KLRD1: variants seen among roughly 807,000 people sequenced by gnomAD.
KLRD1 encodes natural killer cells antigen CD94.
KLRD1 carries 21 observed loss-of-function variants against 22.6 expected under a neutral mutation model. The observed-to-expected ratio is 0.93, with a 90% confidence interval of 0.66 to 1.34. The LOEUF (loss-of-function observed/expected upper bound fraction) is 1.34, where lower values mean the gene tolerates loss of function less well. KLRD1 is among the 40% of genes most tolerant of loss of function. KLRD1 has a pLI of 0.00. For missense variants in KLRD1, 183 were observed against 208.6 expected (o/e 0.88, Z 0.76); for synonymous variants, 59 against 71.1 (o/e 0.83, Z 0.85).
chr12:10,271,280 A>T (rs1949547540), intron 1 of KLRD1, among the ~76,000 whole-genome samples: 1 of 152,184 alleles, frequency 6.6e-6, no homozygotes, highest in Admixed American at 6.5e-5. Context: ...CACTAAAAAG[A>T]CACTTAACTT....
intron 1 of KLRD1, among the ~76,000 whole-genome samples, chr12:10,251,217 C>G (rs1036132864): frequency 8.5e-5 from 13 of 152,084 alleles, no homozygotes; most frequent in African/African-American, 2.9e-4. Flanking sequence ...CTCCGCCTCC[C>G]AGGTTCAAGC....
upstream of KLRD1, among the ~76,000 whole-genome samples, chr12:10,300,842 A>G (rs1383722162): frequency 6.6e-6 from 1 of 152,234 alleles, no homozygotes; most frequent in Non-Finnish European, 1.5e-5. Context: ...CTTCTATATC[A>G]GCACTTGCTG....
chr12:10,301,665 C>T (rs1949867813), upstream of KLRD1, among the ~76,000 whole-genome samples: 1 of 152,216 alleles, frequency 6.6e-6, no homozygotes, highest in Non-Finnish European at 1.5e-5. Context: ...AATAAGGCTT[C>T]TTGGCTTTCT....
intron 4 of KLRD1, among the ~76,000 whole-genome samples, chr12:10,312,580 G>C (rs553399696): frequency 6.8e-6 from 1 of 146,522 alleles, no homozygotes; most frequent in African/African-American, 2.5e-5. Context: ...CGGTTTCACC[G>C]TGTTAGCCAG....
At chr12:10,294,450 G>A (rs117745525) in intron 1 of KLRD1, among the ~76,000 whole-genome samples, 82 of 152,282 alleles carry the variant, frequency 5.4e-4, no homozygotes, top group Non-Finnish European at 1.2e-3. Flanking sequence ...CCAGTCTGGA[G>A]TGCAATGGCA....
chr12:10,258,453 A>G (rs77086639), intron 1 of KLRD1, among the ~76,000 whole-genome samples: 73 of 152,330 alleles, frequency 4.8e-4, no homozygotes, highest in African/African-American at 1.8e-3. Context: ...GATGGGAGGC[A>G]TTCTCTTTGG....
intron 1 of KLRD1, among the ~76,000 whole-genome samples, chr12:10,261,315 A>T (rs1312369223): frequency 6.6e-6 from 1 of 152,266 alleles, no homozygotes; most frequent in East Asian, 1.9e-4. Context: ...TAAAGGCAAT[A>T]ACAGAACTTC....
At chr12:10,310,509 C>A (rs1950037557) in intron 3 of KLRD1, among the ~76,000 whole-genome samples, 2 of 152,200 alleles carry the variant, frequency 1.3e-5, no homozygotes, top group Admixed American at 1.3e-4. Flanking sequence ...ATTTACAGTG[C>A]AACATCTTGG....
Position 10,311,451 on chromosome 12 carries a change from T to A in KLRD1, c.164-13T>A. ...CTCCAGTGTCATTAGTCATGCTTTA[T>A]GTTTTCTGTCAGACTCTGACTGCTG... On this transcript the variant is annotated splice_polypyrimidine_tract_variant and intron_variant, in intron 3 of 5. Transcript: ENST00000336164. 6.2e-7 allele frequency: 1 copy of A among 1,610,170 alleles called. No homozygotes were observed. The highest frequency in any genetic ancestry group is 1.1e-5 in the South Asian group (1 of 90,918).
rs1187617895 is a variant in KLRD1 at position 10,328,623 on chromosome 12, C to T, written c.*13830C>T. ...TAGTTTTGTTTACTTTTTATATATC[C>T]TTTCCATTCACTATTTTATTTCTGA... On this transcript the variant is annotated 3_prime_UTR_variant, in exon 6 of 6. Transcript: ENST00000336164. 1 of 151,940 alleles carries T rather than the reference C, an allele frequency of 6.6e-6. No homozygotes were observed. Among genetic ancestry groups the T allele is most frequent in the East Asian group, 1.9e-4 (1 of 5,196 alleles). The allele number at this position is 151,940 out of a possible 1,614,324, so 9.4% of individuals were successfully genotyped here. A position where few individuals can be genotyped will look rare whatever the true frequency, so the allele number is the denominator to read the frequency against.
At chr12:10,299,368 A>C (rs1949848444) in intron 1 of KLRD1, among the ~76,000 whole-genome samples, 5 of 152,164 alleles carry the variant, frequency 3.3e-5, no homozygotes, top group Admixed American at 2.6e-4. Context: ...CTTTGGGTGC[A>C]GGAAATGCAT....
At chr12:10,305,470 G>T (rs1019217272), upstream of KLRD1, among the ~76,000 whole-genome samples, 1 of 152,134 alleles carries the variant, frequency 6.6e-6, no homozygotes, top group Non-Finnish European at 1.5e-5. Context: ...CGCAATAAAG[G>T]TTATTTTCTT....
rs3983613 is a variant in KLRD1, at chr12:10,323,864, C to CTTTTTTTTTTTTTTTTTTT, written c.*9086_*9087insTTTTTTTTTTTTTTTTTTT. On this transcript the variant is annotated 3_prime_UTR_variant, in exon 6 of 6. Coordinates refer to ENST00000336164, the MANE Select transcript of KLRD1 (RefSeq NM_002262.5). ...TTCCCTTTTATTTCTTATTTCTTTC[C>CTTTTTTTTTTTTTTTTTTT]TTTTTTTTTTTTTTTGAGACTGAGT... 2.8e-5 allele frequency: 3 copies of CTTTTTTTTTTTTTTTTTTT among 106,342 alleles called. No individual in the cohort carries two copies. Among genetic ancestry groups the CTTTTTTTTTTTTTTTTTTT allele is most frequent in the Non-Finnish European group, 5.5e-5 (3 of 54,630 alleles). The allele number at this position is 106,342 out of a possible 1,614,324, so 6.6% of individuals were successfully genotyped here. A position where few individuals can be genotyped will look rare whatever the true frequency, so the allele number is the denominator to read the frequency against.
intron 1 of KLRD1, among the ~76,000 whole-genome samples, chr12:10,254,946 C>T (rs181928134): frequency 6.7e-6 from 1 of 148,768 alleles, no homozygotes. Flanking sequence ...CATGAACAGG[C>T]ACTTCTCAAA....
intron 1 of KLRD1, among the ~76,000 whole-genome samples, chr12:10,298,709 T>C (rs1949842453): frequency 6.6e-6 from 1 of 152,258 alleles, no homozygotes; most frequent in Non-Finnish European, 1.5e-5. Context: ...TAAGAACATG[T>C]TCCTGCTGCA....
At chr12:10,284,038 AT>A (rs1367053282) in intron 1 of KLRD1, among the ~76,000 whole-genome samples, 22 of 144,748 alleles carry the variant, frequency 1.5e-4, no homozygotes, top group African/African-American at 4.8e-4. Flanking sequence ...AAAAAAAAAA[AT>A]AGCTGGGCAT....
In KLRD1 at chr12:10,326,165, T is replaced by C. The variant is rs1213239034; in HGVS notation, c.*11372T>C. The C allele has an allele frequency of 6.6e-6, 1 of 152,198 alleles. No individual in the cohort carries two copies. Among genetic ancestry groups the C allele is most frequent in the Non-Finnish European group, 1.5e-5 (1 of 68,028 alleles). 9.4% of individuals were successfully genotyped at this position (152,198 alleles called of 1,614,324 possible). A position where few individuals can be genotyped will look rare whatever the true frequency, so the allele number is the denominator to read the frequency against. ...TTTTTAATTGGGTTACTTGTGTTTT[T>C]TTTAATATTGAGTTGTAGGAGTTCT... On this transcript the variant is annotated 3_prime_UTR_variant, in exon 6 of 6. Transcript: ENST00000336164.
upstream of KLRD1, among the ~76,000 whole-genome samples, chr12:10,302,731 A>G (rs1565465094): frequency 6.6e-6 from 1 of 151,974 alleles, no homozygotes; most frequent in East Asian, 1.9e-4. Context: ...TAGTTGAGTC[A>G]TAAGCCAGGA....
At chr12:10,277,839 C>T (rs1461399283) in intron 1 of KLRD1, among the ~76,000 whole-genome samples, 1 of 152,194 alleles carries the variant, frequency 6.6e-6, no homozygotes, top group Non-Finnish European at 1.5e-5. Flanking sequence ...AGTGCAGACT[C>T]AATCAACAGC....
Sources: gnomAD v4.1 joint callset for allele counts (sites outside exome capture counted in the v4.1 genomes callset) on GRCh38, gnomAD v4.1.1 for gene constraint, MANE v1.5 for transcripts, NCBI Gene and HGNC (gene_info 2026-07-23, HGNC 2026-07-21) for gene names.